Variants in ACP3 observed in about 807,000 individuals in gnomAD.
The protein encoded by ACP3 is acid phosphatase 3.
A neutral mutation model predicts 45.6 loss-of-function variants in ACP3; 38 were observed. The ratio of observed to expected loss-of-function variants is 0.83; its 90% confidence interval spans 0.64 to 1.09. ACP3 has a LOEUF of 1.09. Among genes scored for constraint, ACP3 ranks in the 50% least tolerant of loss-of-function variants. ACP3 has a pLI of 0.00. For missense variants in ACP3, 466 were observed against 463.2 expected, an observed-to-expected ratio of 1.01 and a Z score of -0.05; for synonymous variants, 162 against 164.7, an observed-to-expected ratio of 0.98 and a Z score of 0.13.
intron 1 of ACP3, among the ~76,000 whole-genome samples, chr3:132,326,094 C>T (rs1449845048): frequency 6.6e-6 from 1 of 152,084 alleles, no homozygotes; most frequent in Non-Finnish European, 1.5e-5. Context: ...TGATTTTCTG[C>T]CCCTATGGCA....
chr3:132,335,774 G>C (rs1161429953), intron 4 of ACP3, among the ~76,000 whole-genome samples: 1 of 152,078 alleles, frequency 6.6e-6, no homozygotes, highest in East Asian at 1.9e-4. Context: ...AGTGTTGCTG[G>C]AGAGGAGTGA....
intron 1 of ACP3, among the ~76,000 whole-genome samples, chr3:132,323,319 C>CT (rs1220591579): frequency 9.2e-5 from 14 of 152,088 alleles, no homozygotes; most frequent in Admixed American, 9.2e-4. Context: ...CAGAACAGGC[C>CT]TTTTTTGCAT....
At chr3:132,325,885 T>C (rs1412053767) in intron 1 of ACP3, among the ~76,000 whole-genome samples, 1 of 152,206 alleles carries the variant, frequency 6.6e-6, no homozygotes, top group African/African-American at 2.4e-5. Flanking sequence ...ATAATAATAG[T>C]AACTGCTTTG....
rs1198565162 is a variant in ACP3 at position 132,317,586 on chromosome 3, C to T, written c.120+10C>T. 1 of 1,607,734 alleles carries T rather than the reference C, an allele frequency of 6.2e-7. No homozygotes were observed. Among genetic ancestry groups the T allele is most frequent in the Non-Finnish European group, 8.5e-7 (1 of 1,176,988 alleles). ...GAAGTTTGTGACTTTGGTAAGTAGA[C>T]TTTTCTCATTGCTTTTTCCTTAAAA... On this transcript the variant is annotated intron_variant, in intron 1 of 9. Coordinates refer to ENST00000336375, the MANE Select transcript of ACP3 (RefSeq NM_001099.5).
intron 7 of ACP3, among the ~76,000 whole-genome samples, chr3:132,349,678 T>C (rs1937674438): frequency 6.6e-6 from 1 of 152,012 alleles, no homozygotes; most frequent in African/African-American, 2.4e-5. Context: ...TCACTTAATA[T>C]CTTTGGACTT....
At chr3:132,351,276 G>T (rs887218472) in intron 8 of ACP3, among the ~76,000 whole-genome samples, 12 of 152,222 alleles carry the variant, frequency 7.9e-5, no homozygotes, top group African/African-American at 1.9e-4. Context: ...CTTAGAAAAG[G>T]CTTTCATCTT....
chr3:132,355,486 CTTATTTTATTTTATTTTATTTTATTT>C (rs1937861921), intron 9 of ACP3, among the ~76,000 whole-genome samples: 1 of 150,270 alleles, frequency 6.7e-6, no homozygotes, highest in African/African-American at 2.4e-5. Flanking sequence ...TTTATTTTAT[CTTATTTTATTTTATTTTATTTTATTT>C]TTATTTTATT....
At chr3:132,328,242 A>G (rs903476919) in intron 1 of ACP3, 25 bp from the exon 2 acceptor site, 2 of 1,553,904 alleles carry the variant, frequency 1.3e-6, no homozygotes, top group Non-Finnish European at 1.8e-6. Flanking sequence ...CGTTTGTAAC[A>G]TCACTCTCTC....
At chr3:132,348,567 A>T (rs182588956) in intron 7 of ACP3, among the ~76,000 whole-genome samples, 1 of 152,174 alleles carries the variant, frequency 6.6e-6, no homozygotes, top group Non-Finnish European at 1.5e-5. Context: ...ACTTGTTGAC[A>T]AAGGGCAACT....
intron 1 of ACP3, among the ~76,000 whole-genome samples, chr3:132,322,543 G>T (rs1576406542): frequency 6.6e-6 from 1 of 152,136 alleles, no homozygotes; most frequent in African/African-American, 2.4e-5. Context: ...AAAATAATAA[G>T]AAGAATTTAA....
chr3:132,335,793 A>C (rs1389355133), intron 4 of ACP3, among the ~76,000 whole-genome samples: 1 of 152,154 alleles, frequency 6.6e-6, no homozygotes. Flanking sequence ...GACAAGGGAC[A>C]GTAATAGGAA....
chr3:132,368,114 A>ATGTGG, exon 11 of ACP3: 2 of 233,742 alleles, frequency 8.6e-6, no homozygotes. Context: ...TCCGGAGAGA[A>ATGTGG]ATAAGAAGCC....
intron 1 of ACP3, among the ~76,000 whole-genome samples, chr3:132,323,891 T>C (rs1359781601): frequency 6.6e-6 from 1 of 152,212 alleles, no homozygotes; most frequent in African/African-American, 2.4e-5. Flanking sequence ...AAGTTGATAA[T>C]TGTTGGAGAC....
intron 8 of ACP3, among the ~76,000 whole-genome samples, chr3:132,351,615 G>A (rs1937740845): frequency 6.6e-6 from 1 of 152,228 alleles, no homozygotes; most frequent in Admixed American, 6.5e-5. Context: ...TTCCTGGAGA[G>A]AGATAGGCCT....
intron 3 of ACP3, 65 bp from the exon 4 acceptor site, chr3:132,332,127 A>G: frequency 1.3e-6 from 2 of 1,583,220 alleles, no homozygotes; most frequent in Non-Finnish European, 1.7e-6. Context: ...ATACCTTGGC[A>G]GCTCTGTAGA....
chr3:132,359,440 G>A (rs188849517), downstream of ACP3, among the ~76,000 whole-genome samples: 33 of 152,220 alleles, frequency 2.2e-4, no homozygotes, highest in East Asian at 3.3e-3. Flanking sequence ...CCCGGGAAGC[G>A]GAACTTGCAG....
At chr3:132,368,055 T>C in exon 11 of ACP3, 1 of 443,416 alleles carries the variant, frequency 2.3e-6, no homozygotes, top group South Asian at 3.0e-5. Flanking sequence ...CTTGTTCAGC[T>C]AGAAAGAGGC....
intron 8 of ACP3, among the ~76,000 whole-genome samples, chr3:132,351,997 C>A (rs1937752194): frequency 6.6e-6 from 1 of 152,148 alleles, no homozygotes; most frequent in African/African-American, 2.4e-5. Flanking sequence ...CTCATATATT[C>A]TTCCACAACT....
In ACP3 at chr3:132,349,923, T is replaced by G. The variant is rs985445451; in HGVS notation, c.785T>G (p.Val262Gly). The G allele has an allele frequency of 6.2e-7, 1 of 1,610,506 alleles. No individual in the cohort carries two copies. The highest frequency in any genetic ancestry group is 1.7e-5 in the Admixed American group (1 of 59,960). ...QKEKSRLQGG[V>G]LVNEILNHMK... ...TTATTGATTCATCTTCTTTAAGGTG[T>G]CCTGGTCAATGAAATCCTCAATCAC... is the stretch of plus-strand genomic sequence containing the variant. Residue 262 changes from valine (V) to glycine (G), a missense_variant, in exon 8 of 10, where the codon GTC becomes GGC. Val to Gly is a moderately radical substitution (Grantham distance 109, BLOSUM62 -3). Transcript: ENST00000336375.
Sources: gnomAD v4.1 joint callset for allele counts (sites outside exome capture counted in the v4.1 genomes callset) on GRCh38, gnomAD v4.1.1 for gene constraint, MANE v1.5 for transcripts, NCBI Gene and HGNC (gene_info 2026-07-23, HGNC 2026-07-21) for gene names.